The following CAD variants were observed in gnomAD, a reference collection of about 807,000 sequenced individuals.
The protein encoded by CAD is carbamoyl-phosphate synthetase 2, aspartate transcarbamylase, and dihydroorotase.
Under a neutral mutation model 237.2 loss-of-function variants are expected in CAD, and 81 were observed. The observed-to-expected ratio is 0.34, with a 90% CI of 0.29 to 0.41. CAD has a LOEUF of 0.41. Among genes scored for constraint, CAD ranks in the 10% least tolerant of loss-of-function variants. The pLI, the probability that CAD is intolerant of heterozygous loss-of-function variation, is 1.00. For missense variants in CAD, 2,181 were observed against 2,951.7 expected (o/e 0.74, Z 6.05); for synonymous variants, 1,196 against 1,162.8 (o/e 1.03, Z -0.58).
rs1675161443 is a variant in CAD, at chr2:27,221,481, G to C, written c.352+134G>C. On this transcript the variant is annotated intron_variant, in intron 3 of 43. Transcript: ENST00000264705. Reference sequence around the variant, plus strand: ...GAAGGTTTAGATTGGAGTTGGGCTGGGAGAAAGAATTGAACTATCACTCAG... The same window carrying C: ...GAAGGTTTAGATTGGAGTTGGGCTGCGAGAAAGAATTGAACTATCACTCAG... The C allele has an allele frequency of 3.5e-6, 3 of 859,460 alleles. No individual in the cohort carries two copies. In the South Asian group the frequency reaches 1.2e-4, roughly 35 times the overall value. The allele number at this position is 859,460 out of a possible 1,614,324, so 53.2% of individuals were successfully genotyped here.
chr2:27,243,479 C>T lies in CAD; in HGVS notation c.6639C>T (p.Ile2213=). The T allele has an allele frequency of 1.2e-6, 2 of 1,608,182 alleles. No individual in the cohort carries two copies. The highest frequency in any genetic ancestry group is 1.7e-6 in the Non-Finnish European group (2 of 1,178,114). ...GCCAGGCTGAGAACGGCATGTACAT[C>T]CGCATGGCTCTGTTAGCCACCGTGC... is the stretch of plus-strand genomic sequence containing the variant. ...YFRQAENGMY[I]RMALLATVLG... The change falls in exon 44 of 44, where the codon ATC becomes ATT. Residue 2213 remains isoleucine (I), a synonymous_variant. Transcript: ENST00000264705.
In CAD at chr2:27,238,623, T is replaced by G; in HGVS notation, c.5053T>G (p.Ser1685Ala). 1.2e-6 allele frequency: 2 copies of G among 1,610,386 alleles called. No individual in the cohort carries two copies. The highest frequency in any genetic ancestry group is 3.3e-4 in the Middle Eastern group (2 of 6,048). Residue 1685 changes from serine to alanine, a missense_variant, in exon 31 of 44, where the codon TCA (serine) becomes GCA (alanine). By Grantham distance (99) the Ser-to-Ala change is moderately conservative. Transcript: ENST00000264705. ...CATGGCTGTCATCGACTGCTTTGCC[T>G]CAGACCATGGTGAGAGAATCCAGCA... ...ENMAVIDCFA[S>A]DHAPHTLEEK...
rs1203358550 is a variant in CAD, at chr2:27,237,083, G to T, written c.4396+253G>T. Among the ~76,000 whole-genome samples the T allele has an allele frequency of 2.0e-5, 3 of 147,738 alleles. No homozygotes were observed. The highest frequency in any genetic ancestry group is 7.6e-5 in the African/African-American group (3 of 39,376). ...ATCGCCCAGGTTGGAGTGCAGTGGT[G>T]TGTGATATCGGCTCACTGCAACCTC... On this transcript the variant is annotated intron_variant, in intron 27 of 43. Transcript: ENST00000264705. This position sits in a 1 kb window ranked among gnomAD's most constrained non-coding sequence, Gnocchi z 4.0.
chr2:27,219,365 A>G (rs1484443425), intron 2 of CAD, among the ~76,000 whole-genome samples: 2 of 151,184 alleles, frequency 1.3e-5, no homozygotes, highest in Non-Finnish European at 2.9e-5. Flanking sequence ...TTTTGGGGAC[A>G]AGGTCTCACT....
chr2:27,231,166 C>T (rs923062232), intron 15 of CAD, among the ~76,000 whole-genome samples: 1 of 152,146 alleles, frequency 6.6e-6, no homozygotes, highest in African/African-American at 2.4e-5. Context: ...CCACCACTCC[C>T]GGCTAATTTT....
intron 15 of CAD, among the ~76,000 whole-genome samples, chr2:27,228,865 A>G (rs905504198): frequency 6.0e-5 from 9 of 149,850 alleles, no homozygotes; most frequent in Non-Finnish European, 1.2e-4. Flanking sequence ...TGCTGGGATT[A>G]CAGGCCACTG....
Position 27,233,102 on chromosome 2 carries a change from A to G in CAD, c.2953A>G (p.Met985Val), listed in dbSNP as rs1425213718. Residue 985 changes from methionine (M) to valine (V), a missense_variant, in exon 19 of 44, where the codon ATG becomes GTG. Met to Val is a conservative substitution (Grantham distance 21, BLOSUM62 1). Transcript: ENST00000264705. The surrounding 1 kb of genome is among the most constrained non-coding windows in gnomAD (Gnocchi z 6.3). ...AGAGACAGTCAGCACCGACTATGACATGTGTGATCGACTCTACTTTGATGA... is the reference window on the plus strand; with the variant it reads ...AGAGACAGTCAGCACCGACTATGACGTGTGTGATCGACTCTACTTTGATGA... ...NPETVSTDYD[M>V]CDRLYFDEIS... 3 of 1,611,718 alleles carry G rather than the reference A, an allele frequency of 1.9e-6. No individual in the cohort carries two copies. Among genetic ancestry groups the G allele is most frequent in the East Asian group, 2.2e-5 (1 of 44,860 alleles).
chr2:27,227,022 T>C, intron 15 of CAD, 60 bp downstream of exon 15: 1 of 1,502,220 alleles, frequency 6.7e-7, no homozygotes, highest in Non-Finnish European at 9.3e-7. Context: ...ATCTTAAATG[T>C]CAAGAGTTCC....
intron 13 of CAD, 82 bp downstream of exon 13, chr2:27,226,401 T>C: frequency 6.5e-7 from 1 of 1,544,858 alleles, no homozygotes; most frequent in Non-Finnish European, 8.9e-7. Flanking sequence ...GTTGAGGTCT[T>C]TTGGGCTTAC....
intron 12 of CAD, 74 bp downstream of exon 12, chr2:27,226,000 G>C: frequency 6.5e-7 from 1 of 1,530,774 alleles, no homozygotes; most frequent in East Asian, 2.3e-5. Context: ...CCCAGGCCAA[G>C]GTCTTTGAGA....
intron 15 of CAD, among the ~76,000 whole-genome samples, 173 bp from the exon 16 acceptor site, chr2:27,231,295 T>G (rs950057565): frequency 6.6e-6 from 1 of 152,206 alleles, no homozygotes; most frequent in African/African-American, 2.4e-5. Context: ...CGTGAGCCAC[T>G]GCGCCCGGCC....
Position 27,242,930 on chromosome 2 carries a change from G to A in CAD, c.6437G>A (p.Arg2146Gln), listed in dbSNP as rs377103397. The A allele has an allele frequency of 4.3e-6, 7 of 1,609,536 alleles. No homozygotes were observed. In the African/African-American group the frequency reaches 6.7e-5, roughly 15 times the overall value. The change falls in exon 42 of 44, where the codon CGA becomes CAA. Residue 2146 changes from arginine to glutamine, a missense_variant. Around this residue, in one of 12 missense-constraint regions of CAD, gnomAD observed 170 missense variants for 212.1 expected, o/e 0.80. Coordinates refer to ENST00000264705, the MANE Select transcript of CAD (RefSeq NM_004341.5). The surrounding 1 kb of genome is among the most constrained non-coding windows in gnomAD (Gnocchi z 6.4). ...GACACTGATGTGCTCTACATGACTC[G>A]AATCCAGAAGGAACGATTTGGCTCT... ...LPDTDVLYMT[R>Q]IQKERFGSTQ...
At chr2:27,229,499 T>C (rs890544081) in intron 15 of CAD, among the ~76,000 whole-genome samples, 43 of 152,186 alleles carry the variant, frequency 2.8e-4, no homozygotes, top group African/African-American at 1.0e-3. Context: ...GGTCTCAATC[T>C]GCCTTAGGTG....
chr2:27,220,914 C>T (rs993586252), intron 2 of CAD, among the ~76,000 whole-genome samples: 1 of 151,900 alleles, frequency 6.6e-6, no homozygotes. Context: ...GCTTAGATGT[C>T]GCCACTGCAT....
Position 27,242,177 on chromosome 2 carries a change from T to C in CAD, c.6096+54T>C, listed in dbSNP as rs1676352303. ...GTTAAGAAGGCTGGACCCAGGGGCA[T>C]GAGAACCCTTCTGCCCACGTTTTCT... On this transcript the variant is annotated intron_variant, in intron 39 of 43. Coordinates refer to ENST00000264705, the MANE Select transcript of CAD (RefSeq NM_004341.5). The surrounding 1 kb of genome is among the most constrained non-coding windows in gnomAD (Gnocchi z 6.4). 6.3e-7 allele frequency: 1 copy of C among 1,594,456 alleles called. No homozygotes were observed.
intron 2 of CAD, 62 bp from the exon 3 acceptor site, chr2:27,221,156 G>C (rs73921475): frequency 1.5e-5 from 22 of 1,427,782 alleles, no homozygotes; most frequent in Non-Finnish European, 2.0e-5. Context: ...CCACACAATC[G>C]GGAAAATGCT....
In CAD at chr2:27,236,338, C is replaced by G; in HGVS notation, c.4129C>G (p.Gln1377Glu). 6.2e-7 allele frequency: 1 copy of G among 1,614,196 alleles called. No individual in the cohort carries two copies. The highest frequency in any genetic ancestry group is 8.5e-7 in the Non-Finnish European group (1 of 1,180,026). The change falls in exon 26 of 44, where the codon CAG becomes GAG. Residue 1377 changes from glutamine (Q) to glutamate (E), a missense_variant. Physicochemically the swap from Gln to Glu is conservative, Grantham distance 29. Coordinates refer to ENST00000264705, the MANE Select transcript of CAD (RefSeq NM_004341.5). The surrounding 1 kb of genome is among the most constrained non-coding windows in gnomAD (Gnocchi z 4.1). Reference protein sequence around the residue: ...EEAVDGECPPQRSILEQLAEK... With the variant: ...EEAVDGECPPERSILEQLAEK... ...GGCTGTGGATGGTGAGTGCCCACCA[C>G]AGCGGAGCATCCTGGAGCAGCTAGC...
rs1676057456 is a variant in CAD, at chr2:27,237,220, C to T, written c.4397-159C>T. 6.6e-6 allele frequency among the ~76,000 whole-genome samples: 1 copy of T among 151,962 alleles called. No individual in the cohort carries two copies. Among genetic ancestry groups the T allele is most frequent in the African/African-American group, 2.4e-5 (1 of 41,368 alleles). On this transcript the variant is annotated intron_variant, in intron 27 of 43. Transcript: ENST00000264705. The surrounding 1 kb of genome is among the most constrained non-coding windows in gnomAD (Gnocchi z 4.0). Reference sequence around the variant, plus strand: ...TGTGTTTTTAGTAGAGACGGGGTTTCACCATGTTGGTCAGGTTGGTCTCGA... The same window carrying T: ...TGTGTTTTTAGTAGAGACGGGGTTTTACCATGTTGGTCAGGTTGGTCTCGA...
At chr2:27,231,636 C>A in intron 16 of CAD, 56 bp downstream of exon 16, 1 of 1,046,956 alleles carries the variant, frequency 9.6e-7, no homozygotes, top group Non-Finnish European at 1.5e-6. Flanking sequence ...CTTCTCATCG[C>A]CCCCAGACCA....
Sources: gnomAD v4.1 joint callset for allele counts (sites outside exome capture counted in the v4.1 genomes callset) on GRCh38, gnomAD v4.1.1 for gene constraint, gnomAD v4.1.1 regional missense constraint, Gnocchi (gnomAD v3.1) non-coding constraint, MANE v1.5 for transcripts, NCBI Gene and HGNC (gene_info 2026-07-23, HGNC 2026-07-21) for gene names.